The following EFCAB11 variants were observed in gnomAD, a reference collection of about 807,000 sequenced individuals.
EFCAB11 encodes EF-hand calcium binding domain 11, also known as EF-hand calcium-binding domain-containing protein 11.
Under a neutral mutation model 23.0 loss-of-function variants are expected in EFCAB11, and 14 were observed. That is an observed-to-expected ratio of 0.61 (90% CI 0.40 to 0.95). The LOEUF is 0.95. Among genes scored for constraint, EFCAB11 ranks in the 40% least tolerant of loss-of-function variants. The pLI is 0.00. For synonymous variants in EFCAB11, 65 were observed against 66.6 expected (o/e 0.98, Z 0.11); for missense variants, 198 against 195.8 (o/e 1.01, Z -0.07).
chr14:89,924,822 T>C (rs1890138067), intron 5 of EFCAB11: 1 of 984,352 alleles, frequency 1.0e-6, no homozygotes, highest in Non-Finnish European at 1.5e-6. Context: ...GAGAAATAAA[T>C]TAAACCACGA....
At chr14:89,932,653 G>A (rs927391781) in intron 3 of EFCAB11, 26 bp from the exon 4 acceptor site, 1 of 1,557,312 alleles carries the variant, frequency 6.4e-7, no homozygotes, top group Non-Finnish European at 8.8e-7. Context: ...AAAACAATTT[G>A]TCAAAGATTA....
At chr14:89,954,758 G>A (rs890495258), upstream of EFCAB11, 27 of 1,515,994 alleles carry the variant, frequency 1.8e-5, no homozygotes, top group Admixed American at 2.0e-5. Context: ...CGCGGCTCAG[G>A]AAGCCGAACT....
At chr14:89,934,542 G>C (rs939720706) in intron 3 of EFCAB11, among the ~76,000 whole-genome samples, 6 of 152,170 alleles carry the variant, frequency 3.9e-5, no homozygotes, top group Non-Finnish European at 5.9e-5. Flanking sequence ...GAGAAGTTCA[G>C]GAGGTGGCCG....
intron 5 of EFCAB11, among the ~76,000 whole-genome samples, chr14:89,917,051 T>TGTG (rs1278505048): frequency 1.4e-4 from 18 of 132,054 alleles, no homozygotes; most frequent in Non-Finnish European, 2.7e-4. Flanking sequence ...CCTGACATGC[T>TGTG]TCGTGTGTGT....
At chr14:89,905,550 C>G (rs916642694) in intron 5 of EFCAB11, among the ~76,000 whole-genome samples, 2 of 152,178 alleles carry the variant, frequency 1.3e-5, no homozygotes, top group African/African-American at 4.8e-5. Flanking sequence ...CAGTCTCATG[C>G]TGAGGAAGGG....
chr14:89,844,701 C>G (rs983897147), intron 5 of EFCAB11, among the ~76,000 whole-genome samples: 1 of 152,252 alleles, frequency 6.6e-6, no homozygotes, highest in Non-Finnish European at 1.5e-5. Flanking sequence ...TCCCCACACC[C>G]GATACCTGGT....
chr14:89,799,155 T>C (rs1885682282), intron 5 of EFCAB11: 1 of 152,236 alleles, frequency 6.6e-6, no homozygotes, highest in African/African-American at 2.4e-5. Context: ...AAAATGAGTA[T>C]AGTAAAACCA....
intron 5 of EFCAB11, among the ~76,000 whole-genome samples, chr14:89,866,133 G>T (rs1000949517): frequency 1.1e-4 from 17 of 152,134 alleles, no homozygotes; most frequent in African/African-American, 4.1e-4. Flanking sequence ...CTGCTTGACT[G>T]TCAGAGGACT....
At chr14:89,853,622 C>T (rs968417778) in intron 5 of EFCAB11, among the ~76,000 whole-genome samples, 6 of 152,130 alleles carry the variant, frequency 3.9e-5, no homozygotes, top group Non-Finnish European at 8.8e-5. Flanking sequence ...CACACTGGCT[C>T]TTAAAATGAA....
chr14:89,942,168 T>A (rs1009551155), intron 3 of EFCAB11, among the ~76,000 whole-genome samples: 1 of 152,184 alleles, frequency 6.6e-6, no homozygotes, highest in Admixed American at 6.5e-5. Context: ...GAACTGTGAG[T>A]CAATTAAACC....
upstream of EFCAB11, chr14:89,954,730 TACCGCGGCCACGCCC>T (rs1891398254): frequency 6.4e-7 from 1 of 1,557,298 alleles, no homozygotes; most frequent in Non-Finnish European, 8.7e-7. Flanking sequence ...GCTGGCAGCC[TACCGCGGCCACGCCC>T]ACCGCGGCTC....
Position 89,810,755 on chromosome 14 carries a change from C to CAA in EFCAB11, c.411-13433_411-13432dup, listed in dbSNP as rs374599977. On this transcript the variant is annotated intron_variant, in intron 5 of 5. Coordinates refer to ENST00000316738, the MANE Select transcript of EFCAB11 (RefSeq NM_145231.4). ...TGGGTGACAAAGTGAGACTCCGTCTCAAAAAAAAAAAAAAAAAGAAATGGA... is the reference window on the plus strand; with the variant it reads ...TGGGTGACAAAGTGAGACTCCGTCTCAAAAAAAAAAAAAAAAAAAGAAATGGA... 8.1e-3 allele frequency among the ~76,000 whole-genome samples: 919 copies of CAA among 113,882 alleles called. 12 individuals are homozygous for CAA. The highest frequency in any genetic ancestry group is 0.015 in the South Asian group (46 of 3,134). The allele number at this position is 113,882 out of a possible 152,430, so 74.7% of individuals were successfully genotyped here.
chr14:89,876,086 A>C (rs889426500), intron 5 of EFCAB11, among the ~76,000 whole-genome samples: 2 of 152,168 alleles, frequency 1.3e-5, no homozygotes, highest in Non-Finnish European at 2.9e-5. Flanking sequence ...ATTTCAGTGG[A>C]GCTGGTAGAA....
intron 5 of EFCAB11, among the ~76,000 whole-genome samples, chr14:89,850,791 G>T (rs1187098097): frequency 1.3e-5 from 2 of 152,212 alleles, no homozygotes; most frequent in East Asian, 3.8e-4. Flanking sequence ...GGGAAAAGAG[G>T]AAGTTAATAG....
intron 5 of EFCAB11, among the ~76,000 whole-genome samples, chr14:89,856,483 C>T (rs1231077302): frequency 6.6e-6 from 1 of 152,268 alleles, no homozygotes; most frequent in African/African-American, 2.4e-5. Flanking sequence ...AGTCACCATG[C>T]CGTATTTTGA....
intron 1 of EFCAB11, 95 bp downstream of exon 1, chr14:89,954,491 G>T: frequency 3.9e-6 from 6 of 1,555,700 alleles, no homozygotes; most frequent in Non-Finnish European, 5.2e-6. Context: ...GGTCTTATCT[G>T]CACACCCGGC....
intron 5 of EFCAB11, among the ~76,000 whole-genome samples, chr14:89,930,416 C>CACAT (rs1890349678): frequency 6.6e-6 from 1 of 152,192 alleles, no homozygotes; most frequent in South Asian, 2.1e-4. Context: ...TATTCGTGGG[C>CACAT]ACATCATTGC....
intron 5 of EFCAB11, among the ~76,000 whole-genome samples, chr14:89,848,078 C>T (rs1435919711): frequency 6.6e-6 from 1 of 152,186 alleles, no homozygotes; most frequent in Non-Finnish European, 1.5e-5. Context: ...CAACTGAATG[C>T]CCTCATGCTT....
chr14:89,875,961 A>G (rs913466064), intron 5 of EFCAB11, among the ~76,000 whole-genome samples: 2 of 152,214 alleles, frequency 1.3e-5, no homozygotes. Flanking sequence ...TCAGATGCCA[A>G]TGGAAAAGGG....
Sources: gnomAD v4.1 joint callset for allele counts (sites outside exome capture counted in the v4.1 genomes callset) on GRCh38, gnomAD v4.1.1 for gene constraint, MANE v1.5 for transcripts, NCBI Gene and HGNC (gene_info 2026-07-23, HGNC 2026-07-21) for gene names.